Variants in CLSTN2 observed in about 807,000 individuals in gnomAD.
CLSTN2 encodes calsyntenin 2.
Under a neutral mutation model 101.2 loss-of-function variants are expected in CLSTN2, and 48 were observed. The ratio of observed to expected loss-of-function variants is 0.47; its 90% CI spans 0.38 to 0.60. The LOEUF is 0.60. Among genes scored for constraint, CLSTN2 ranks in the 20% least tolerant of loss-of-function variants. The pLI, the probability that CLSTN2 is intolerant of heterozygous loss-of-function variation, is 0.00. For missense variants in CLSTN2, 1,160 were observed against 1,238.2 expected, an observed-to-expected ratio of 0.94 and a Z score of 0.95; for synonymous variants, 481 against 463.6, an observed-to-expected ratio of 1.04 and a Z score of -0.48.
intron 2 of CLSTN2, among the ~76,000 whole-genome samples, chr3:140,253,752 C>G (rs1376639047): frequency 6.6e-6 from 1 of 152,198 alleles, no homozygotes; most frequent in African/African-American, 2.4e-5. Context: ...AGGAACCCAC[C>G]AAAGGGTTTC....
chr3:140,107,920 T>G (rs1218619105), intron 1 of CLSTN2, among the ~76,000 whole-genome samples: 2 of 152,118 alleles, frequency 1.3e-5, no homozygotes, highest in African/African-American at 4.8e-5. Flanking sequence ...TCAAAAAAAG[T>G]GAGAGACTTC....
chr3:140,562,054 A>G, intron 12 of CLSTN2, 84 bp from the exon 13 acceptor site: 10 of 1,279,874 alleles, frequency 7.8e-6, no homozygotes, highest in South Asian at 1.4e-5. Flanking sequence ...CTGGGGTGCA[A>G]TAACAGAGGA....
In CLSTN2 at chr3:140,299,626, T is replaced by C. The variant is rs548765321; in HGVS notation, c.233-104003T>C. 2.6e-5 allele frequency among the ~76,000 whole-genome samples: 4 copies of C among 152,352 alleles called. No individual in the cohort carries two copies. The South Asian group carries it at 8.3e-4, about 32-fold the overall frequency. Reference sequence around the variant, plus strand: ...TGTCTTCTCCTACTGTGTTTTTGTGTCGGTCACCTATCTTTGGCTATTGAC... The same window carrying C: ...TGTCTTCTCCTACTGTGTTTTTGTGCCGGTCACCTATCTTTGGCTATTGAC... On this transcript the variant is annotated intron_variant, in intron 2 of 16. Coordinates refer to ENST00000458420, the MANE Select transcript of CLSTN2 (RefSeq NM_022131.3).
intron 2 of CLSTN2, among the ~76,000 whole-genome samples, chr3:140,249,593 C>G (rs1012247680): frequency 6.6e-6 from 1 of 152,110 alleles, no homozygotes; most frequent in African/African-American, 2.4e-5. Context: ...ACATTTTATC[C>G]TTTTTACCAA....
chr3:140,221,370 G>T (rs1014897608), intron 2 of CLSTN2, among the ~76,000 whole-genome samples: 1 of 152,038 alleles, frequency 6.6e-6, no homozygotes, highest in African/African-American at 2.4e-5. Flanking sequence ...TTTGCAGAGG[G>T]TGCTACATAA....
chr3:140,423,870 G>T (rs906099120), intron 5 of CLSTN2, among the ~76,000 whole-genome samples: 32 of 152,292 alleles, frequency 2.1e-4, no homozygotes, highest in African/African-American at 7.7e-4. Context: ...AGGCAACCGG[G>T]ATTAGTTCAG....
chr3:139,984,198 G>A (rs544911920), intron 1 of CLSTN2, among the ~76,000 whole-genome samples: 1 of 152,272 alleles, frequency 6.6e-6, no homozygotes, highest in South Asian at 2.1e-4. Context: ...GTAACTGAGG[G>A]AACAGGTACA....
intron 5 of CLSTN2, among the ~76,000 whole-genome samples, chr3:140,428,833 C>T (rs981466635): frequency 1.3e-5 from 2 of 152,156 alleles, no homozygotes; most frequent in Admixed American, 1.3e-4. Flanking sequence ...TGTCTTCCAC[C>T]ATCCCACAAA....
At chr3:140,043,073 G>C (rs577577365) in intron 1 of CLSTN2, among the ~76,000 whole-genome samples, 20 of 152,286 alleles carry the variant, frequency 1.3e-4, no homozygotes, top group African/African-American at 4.3e-4. Flanking sequence ...GGTATGTCTA[G>C]TTCTAGATCC....
intron 1 of CLSTN2, among the ~76,000 whole-genome samples, chr3:140,018,860 G>A (rs2007251390): frequency 6.6e-6 from 1 of 152,198 alleles, no homozygotes; most frequent in Non-Finnish European, 1.5e-5. Flanking sequence ...TGTAGGGGAT[G>A]TTCAACTTAT....
intron 1 of CLSTN2, among the ~76,000 whole-genome samples, chr3:140,123,812 A>ATC (rs2107800534): frequency 7.1e-6 from 1 of 141,246 alleles, no homozygotes; most frequent in Admixed American, 7.3e-5. Context: ...ACATATATAT[A>ATC]TATATATACA....
intron 2 of CLSTN2, among the ~76,000 whole-genome samples, chr3:140,232,936 C>T (rs78336094): frequency 0.046 from 7,014 of 152,174 alleles, 421 homozygotes; most frequent in East Asian, 0.22. Flanking sequence ...ACCTCCCCTC[C>T]GTCGTGCCCT....
chr3:140,311,578 T>G (rs1267424824), intron 2 of CLSTN2, among the ~76,000 whole-genome samples: 1 of 151,826 alleles, frequency 6.6e-6, no homozygotes, highest in African/African-American at 2.4e-5. Flanking sequence ...AGTGCTGTGA[T>G]GACAGGCGTG....
At chr3:140,120,184 G>A (rs955681319) in intron 1 of CLSTN2, among the ~76,000 whole-genome samples, 2 of 152,074 alleles carry the variant, frequency 1.3e-5, no homozygotes, top group Admixed American at 1.3e-4. Context: ...ACTAGCCTTG[G>A]GTCCCTGGGC....
chr3:140,332,052 A>T (rs1369088596), intron 2 of CLSTN2, among the ~76,000 whole-genome samples: 1 of 152,214 alleles, frequency 6.6e-6, no homozygotes, highest in Non-Finnish European at 1.5e-5. Flanking sequence ...AAACAAGCAG[A>T]GAGATAAAGA....
chr3:140,448,914 A>G (rs1237147105), intron 6 of CLSTN2, among the ~76,000 whole-genome samples: 1 of 152,160 alleles, frequency 6.6e-6, no homozygotes, highest in Non-Finnish European at 1.5e-5. Flanking sequence ...TCCATTTATT[A>G]GTTATGTGGC....
chr3:140,233,416 G>A (rs1196241401), intron 2 of CLSTN2, among the ~76,000 whole-genome samples: 2 of 152,126 alleles, frequency 1.3e-5, no homozygotes, highest in Non-Finnish European at 1.5e-5. Flanking sequence ...TCCATTCCAG[G>A]AAGCACTACC....
intron 2 of CLSTN2, among the ~76,000 whole-genome samples, chr3:140,362,523 G>A (rs1454204979): frequency 4.0e-5 from 6 of 151,870 alleles, no homozygotes; most frequent in African/African-American, 1.5e-4. Context: ...AATGTAAAAA[G>A]ATAAACAACA....
At chr3:140,254,928 C>A (rs970511777) in intron 2 of CLSTN2, among the ~76,000 whole-genome samples, 1 of 152,050 alleles carries the variant, frequency 6.6e-6, no homozygotes, top group African/African-American at 2.4e-5. Flanking sequence ...GGTGTAATAT[C>A]CAGAATCTAT....
Sources: allele counts gnomAD v4.1 joint callset (sites outside exome capture counted in the v4.1 genomes callset), GRCh38; gene constraint gnomAD v4.1.1; transcripts MANE v1.5; gene names NCBI Gene and HGNC (gene_info 2026-07-23, HGNC 2026-07-21).